Variants in HCK observed in about 807,000 individuals in gnomAD.
HCK encodes HCK proto-oncogene, Src family tyrosine kinase.
A neutral mutation model predicts 70.4 loss-of-function variants in HCK; 40 were observed. The ratio of observed to expected loss-of-function variants is 0.57; its 90% CI spans 0.44 to 0.74. HCK has a LOEUF of 0.74. Ranked by LOEUF, HCK falls within the 30% of genes least tolerant of loss-of-function variation. The pLI, the probability that HCK is intolerant of heterozygous loss-of-function variation, is 0.00. For missense variants in HCK, 568 were observed against 697.2 expected, an observed-to-expected ratio of 0.81 and a Z score of 2.09; for synonymous variants, 245 against 263.2, an observed-to-expected ratio of 0.93 and a Z score of 0.67.
At chr20:32,094,799 A>AAGAGAGAGAAAG (rs1569010646) in intron 11 of HCK, among the ~76,000 whole-genome samples, 1,152 of 36,264 alleles carry the variant, frequency 0.032, 12 homozygotes, top group African/African-American at 0.037. Flanking sequence ...GAAAGAAAGA[A>AAGAGAGAGAAAG]AGAAAGAAAG....
intron 12 of HCK, among the ~76,000 whole-genome samples, chr20:32,099,902 C>CTT (rs5841098): frequency 1.4e-5 from 2 of 143,346 alleles, no homozygotes; most frequent in South Asian, 2.2e-4. Flanking sequence ...CTTTCTCCAC[C>CTT]TTTTTTTTTT....
chr20:32,094,863 A>T (rs1414261245), intron 11 of HCK, among the ~76,000 whole-genome samples: 5 of 151,908 alleles, frequency 3.3e-5, no homozygotes, highest in South Asian at 4.2e-4. Context: ...AGAAAGAAAG[A>T]GGCACAAGCC....
At chr20:32,060,042 G>A (rs930970060) in intron 1 of HCK, among the ~76,000 whole-genome samples, 1 of 152,040 alleles carries the variant, frequency 6.6e-6, no homozygotes, top group African/African-American at 2.4e-5. Flanking sequence ...TCAGTACCAC[G>A]GCAGGTTAAA....
chr20:32,094,154 C>G lies in HCK; in HGVS notation c.1246+138C>G, dbSNP rs1030420926. On this transcript the variant is annotated intron_variant, in intron 11 of 12. Coordinates refer to ENST00000375852, the MANE Select transcript of HCK (RefSeq NM_002110.5). Reference sequence around the variant, plus strand: ...CTGTGCATTCTTGAGCTTGGTGGATCCTTCTGGATAATGTCCTGAACTTCA... The same window carrying G: ...CTGTGCATTCTTGAGCTTGGTGGATGCTTCTGGATAATGTCCTGAACTTCA... 2.3e-5 allele frequency: 18 copies of G among 769,408 alleles called. No individual in the cohort carries two copies. In the African/African-American group the frequency reaches 2.8e-4, roughly 12 times the overall value. 47.7% of individuals were successfully genotyped at this position (769,408 alleles called of 1,614,324 possible).
intron 11 of HCK, among the ~76,000 whole-genome samples, chr20:32,094,745 GA>G (rs1452751074): frequency 3.1e-5 from 4 of 129,078 alleles, no homozygotes; most frequent in Admixed American, 1.6e-4. Flanking sequence ...AAGAAAGAAA[GA>G]AAGAAAGAAA....
At chr20:32,061,096 TC>T (rs1308249719) in intron 1 of HCK, among the ~76,000 whole-genome samples, 1 of 152,052 alleles carries the variant, frequency 6.6e-6, no homozygotes, top group Non-Finnish European at 1.5e-5. Context: ...CAATTCTCCT[TC>T]CTCAGCCTCC....
intron 11 of HCK, among the ~76,000 whole-genome samples, chr20:32,097,111 C>CT (rs1471063931): frequency 6.6e-6 from 1 of 151,752 alleles, no homozygotes; most frequent in Non-Finnish European, 1.5e-5. Flanking sequence ...AAGACCCCAT[C>CT]TCTACAAAAA....
intron 12 of HCK, among the ~76,000 whole-genome samples, 170 bp from the exon 13 acceptor site, chr20:32,101,147 T>G (rs780741453): frequency 6.6e-6 from 1 of 152,188 alleles, no homozygotes; most frequent in Non-Finnish European, 1.5e-5. Context: ...CAGGCCCATG[T>G]CCTAGCTGCA....
intron 11 of HCK, among the ~76,000 whole-genome samples, chr20:32,095,608 T>G (rs1258802320): frequency 1.3e-5 from 2 of 152,098 alleles, no homozygotes; most frequent in East Asian, 1.9e-4. Flanking sequence ...TGCCTACAGC[T>G]GGTGGTGGGG....
At chr20:32,065,621 G>C (rs2045444343) in intron 1 of HCK, among the ~76,000 whole-genome samples, 1 of 152,166 alleles carries the variant, frequency 6.6e-6, no homozygotes, top group Non-Finnish European at 1.5e-5. Context: ...TATAGAAAGA[G>C]GGTGCTTTTT....
rs182955378 is a variant in HCK at position 32,088,658 on chromosome 20, G to A, written c.1092+14G>A. 2.6e-5 allele frequency: 42 copies of A among 1,607,396 alleles called. No homozygotes were observed. In the East Asian group the frequency reaches 5.1e-4, roughly 20 times the overall value. On this transcript the variant is annotated intron_variant, in intron 10 of 12. Transcript: ENST00000375852. ...TTCTCAGCCCAGGTGAGAGCCTAAC[G>A]AGGAAACGGGGAAGGGAAACAGGAA... is the stretch of plus-strand genomic sequence containing the variant.
intron 1 of HCK, among the ~76,000 whole-genome samples, chr20:32,060,317 T>A (rs920839982): frequency 6.6e-6 from 1 of 152,102 alleles, no homozygotes; most frequent in Non-Finnish European, 1.5e-5. Context: ...GCCTCTTGAG[T>A]TCAAGCAATT....
intron 5 of HCK, among the ~76,000 whole-genome samples, chr20:32,075,706 TCATCCATCCATC>T (rs56660439): frequency 3.6e-4 from 54 of 150,358 alleles, no homozygotes; most frequent in African/African-American, 1.3e-3. Flanking sequence ...ATCCATCCAT[TCATCCATCCATC>T]CATCCATCCA....
At chr20:32,094,944 A>G (rs1331473148) in intron 11 of HCK, among the ~76,000 whole-genome samples, 1 of 152,212 alleles carries the variant, frequency 6.6e-6, no homozygotes, top group Non-Finnish European at 1.5e-5. Context: ...AGACCAAAAA[A>G]AAAGAGTAGA....
intron 5 of HCK, among the ~76,000 whole-genome samples, chr20:32,078,027 T>TTTTG (rs1237539986): frequency 3.4e-3 from 512 of 150,922 alleles, no homozygotes; most frequent in African/African-American, 8.7e-3. Flanking sequence ...AGTTGGTTTT[T>TTTTG]TTTGTTTGTT....
chr20:32,059,967 C>T (rs1021602411), intron 1 of HCK, among the ~76,000 whole-genome samples: 2 of 152,086 alleles, frequency 1.3e-5, no homozygotes, highest in Non-Finnish European at 2.9e-5. Context: ...AAAGGATCAG[C>T]GCCTGTGTTA....
chr20:32,098,302 A>G (rs1157912575), intron 11 of HCK, among the ~76,000 whole-genome samples: 1 of 152,046 alleles, frequency 6.6e-6, no homozygotes, highest in African/African-American at 2.4e-5. Context: ...AAGTGCTGGG[A>G]TTACAGGCAC....
At chr20:32,063,445 G>A (rs924736937) in intron 1 of HCK, among the ~76,000 whole-genome samples, 1 of 151,928 alleles carries the variant, frequency 6.6e-6, no homozygotes, top group Non-Finnish European at 1.5e-5. Context: ...ACAGGGTCTC[G>A]ATATGTTGTC....
rs140468269 is a variant in HCK at position 32,092,948 on chromosome 20, CT to C, written c.1093-907del. Reference sequence around the variant, plus strand: ...GTCATATTTTGTTACTTTGTTTTATCTTTTTTTTCTTTTTGAGACAGAGTCT... The same window carrying C: ...GTCATATTTTGTTACTTTGTTTTATCTTTTTTTCTTTTTGAGACAGAGTCT... On this transcript the variant is annotated intron_variant, in intron 10 of 12. Coordinates refer to ENST00000375852, the MANE Select transcript of HCK (RefSeq NM_002110.5). Among the ~76,000 whole-genome samples the C allele has an allele frequency of 2.0e-5, 3 of 151,976 alleles. No individual in the cohort carries two copies. The South Asian group carries it at 6.2e-4, about 32-fold the overall frequency.
Sources: gnomAD v4.1 joint callset for allele counts (sites outside exome capture counted in the v4.1 genomes callset) on GRCh38, gnomAD v4.1.1 for gene constraint, MANE v1.5 for transcripts, NCBI Gene and HGNC (gene_info 2026-07-23, HGNC 2026-07-21) for gene names.